TENM4: variants seen among roughly 807,000 people sequenced by gnomAD.
TENM4 encodes teneurin transmembrane protein 4.
A neutral mutation model predicts 243.3 loss-of-function variants in TENM4; 82 were observed. The ratio of observed to expected loss-of-function variants is 0.34; its 90% CI spans 0.28 to 0.40. The LOEUF (loss-of-function observed/expected upper bound fraction) is 0.40, where lower values mean the gene tolerates loss of function less well. Ranked by LOEUF, TENM4 falls within the 10% of genes least tolerant of loss-of-function variation. The pLI is 1.00. For missense variants in TENM4, 3,138 were observed against 3,673.3 expected, an observed-to-expected ratio of 0.85 and a Z score of 3.77; for synonymous variants, 1,412 against 1,456.3, an observed-to-expected ratio of 0.97 and a Z score of 0.69.
intron 8 of TENM4, among the ~76,000 whole-genome samples, chr11:78,890,621 C>T (rs1258306440): frequency 6.6e-6 from 1 of 152,180 alleles, no homozygotes; most frequent in Non-Finnish European, 1.5e-5. Flanking sequence ...CAGCAAATGC[C>T]TTCAAAGCAC....
chr11:79,278,310 T>G (rs1412537487), intron 2 of TENM4, among the ~76,000 whole-genome samples: 2 of 152,176 alleles, frequency 1.3e-5, no homozygotes, highest in Non-Finnish European at 2.9e-5. Context: ...AACACAACGT[T>G]GTAAGCTTGT....
chr11:78,698,979 C>T (rs1859039922), intron 28 of TENM4, among the ~76,000 whole-genome samples: 2 of 152,310 alleles, frequency 1.3e-5, no homozygotes, highest in South Asian at 4.1e-4. Context: ...TGATTCTGCT[C>T]TTCTCACCTG....
At chr11:79,435,361 G>A (rs557022975) in intron 1 of TENM4, among the ~76,000 whole-genome samples, 1 of 152,224 alleles carries the variant, frequency 6.6e-6, no homozygotes, top group South Asian at 2.1e-4. Context: ...CTGAGAACTG[G>A]GGCATATTAC....
At position 79,062,976 on chromosome 11, in the gene TENM4, C is replaced by T. The variant is rs778669621; in HGVS notation, c.493+1762G>A. 4.1e-4 allele frequency among the ~76,000 whole-genome samples: 63 copies of T among 152,202 alleles called. No individual in the cohort carries two copies. The Middle Eastern group carries it at 0.01, about 25-fold the overall frequency. On this transcript the variant is annotated intron_variant, in intron 6 of 33. Coordinates refer to ENST00000278550, the MANE Select transcript of TENM4 (RefSeq NM_001098816.3). ...ACTCCTCTGGTACTGAGGTCATCGG[C>T]CCCTTCACAGGGCTGGCTGGGGACC...
At chr11:78,954,264 T>C (rs945727162) in intron 6 of TENM4, among the ~76,000 whole-genome samples, 1 of 151,982 alleles carries the variant, frequency 6.6e-6, no homozygotes, top group African/African-American at 2.4e-5. Context: ...GTTTAGGAAA[T>C]GGAAGAAGGA....
At chr11:78,860,338 G>C (rs1858786273) in intron 10 of TENM4, among the ~76,000 whole-genome samples, 2 of 152,196 alleles carry the variant, frequency 1.3e-5, no homozygotes, top group Admixed American at 6.5e-5. Flanking sequence ...AAGGTCAAGG[G>C]AGATGCAGTA....
intron 6 of TENM4, among the ~76,000 whole-genome samples, chr11:79,049,972 A>C (rs1372102888): frequency 6.6e-6 from 1 of 152,168 alleles, no homozygotes; most frequent in Non-Finnish European, 1.5e-5. Flanking sequence ...TGCTGTAACA[A>C]ATATTGTGAG....
intron 6 of TENM4, among the ~76,000 whole-genome samples, chr11:78,956,087 C>T (rs974622667): frequency 2.6e-5 from 4 of 152,124 alleles, no homozygotes; most frequent in Non-Finnish European, 4.4e-5. Context: ...AGGGTTATTG[C>T]TGTGCATGTG....
Position 78,729,473 on chromosome 11 carries a change from C to A in TENM4, c.3309G>T (p.Arg1103Ser). 1 of 1,612,690 alleles carries A rather than the reference C, an allele frequency of 6.2e-7. No individual in the cohort carries two copies. The highest frequency in any genetic ancestry group is 1.1e-5 in the South Asian group (1 of 90,898). Reference sequence around the variant, plus strand: ...GGTCTGGGGCTGCAGCGAACCACTTCCTGAAGAGGCGGCCCTCCACCGCTA... The same window carrying A: ...GGTCTGGGGCTGCAGCGAACCACTTACTGAAGAGGCGGCCCTCCACCGCTA... ...LMVAVEGRLF[R>S]KWFAAAPDLS... Residue 1103 changes from arginine to serine, a missense_variant, in exon 22 of 34, where the codon AGG becomes AGT. Arg to Ser is a moderately radical substitution (Grantham distance 110, BLOSUM62 -1). This residue lies in a region of TENM4 where 2,467 missense variants were observed against 3,059.1 expected (regional missense o/e 0.81). Transcript: ENST00000278550.
intron 13 of TENM4, 72 bp downstream of exon 13, chr11:78,814,222 C>G (rs1857558212): frequency 4.9e-6 from 7 of 1,436,682 alleles, no homozygotes; most frequent in Non-Finnish European, 5.7e-6. Flanking sequence ...TGCACTTGCT[C>G]TGAGAAGTAG....
intron 6 of TENM4, among the ~76,000 whole-genome samples, chr11:78,994,945 C>T (rs879878627): frequency 7.9e-5 from 12 of 152,150 alleles, no homozygotes; most frequent in Non-Finnish European, 1.6e-4. Context: ...AAGAATAAAA[C>T]GCAATTCTGG....
rs372475961 is a variant in TENM4, at chr11:78,862,762, G to A, written c.1255+200C>T. Among the ~76,000 whole-genome samples, 40 of 152,260 alleles carry A rather than the reference G, an allele frequency of 2.6e-4. No individual in the cohort carries two copies. The South Asian group carries it at 8.3e-3, about 32-fold the overall frequency. On this transcript the variant is annotated intron_variant, in intron 10 of 33. Coordinates refer to ENST00000278550, the MANE Select transcript of TENM4 (RefSeq NM_001098816.3). The stretch of plus-strand genomic sequence containing the variant: ...CATGAGCCCTTCCTGAGCCTCCCAC[G>A]AACTCTCAGTGACAAGGAACTGCGA...
chr11:79,220,408 C>CCAGT (rs1864134997), intron 2 of TENM4, among the ~76,000 whole-genome samples: 1 of 152,110 alleles, frequency 6.6e-6, no homozygotes, highest in Admixed American at 6.6e-5. Flanking sequence ...CACAACTCAC[C>CCAGT]CAGTCACCAG....
intron 3 of TENM4, among the ~76,000 whole-genome samples, chr11:79,184,544 TGTGGGGGTGGAGGTTAGGGGGG>T (rs1211325535): frequency 2.5e-4 from 8 of 31,984 alleles, no homozygotes. Context: ...GGGGTAGGGG[TGTGGGGGTGGAGGTTAGGGGGG>T]GTGGGAACTC....
At chr11:78,957,342 G>A (rs1442443355) in intron 6 of TENM4, among the ~76,000 whole-genome samples, 1 of 152,116 alleles carries the variant, frequency 6.6e-6, no homozygotes, top group Non-Finnish European at 1.5e-5. Flanking sequence ...CAGGCTCCAC[G>A]AAATTCATAG....
intron 2 of TENM4, among the ~76,000 whole-genome samples, chr11:79,293,309 T>C (rs949607426): frequency 6.6e-6 from 1 of 151,814 alleles, no homozygotes; most frequent in Non-Finnish European, 1.5e-5. Context: ...GCACGGTGGG[T>C]CACACTTGGC....
At chr11:79,109,123 G>A (rs778716262) in intron 4 of TENM4, among the ~76,000 whole-genome samples, 32 of 152,184 alleles carry the variant, frequency 2.1e-4, no homozygotes, top group Non-Finnish European at 3.7e-4. Context: ...ATTTACGGCC[G>A]TGAGCAGGGA....
intron 6 of TENM4, among the ~76,000 whole-genome samples, chr11:78,975,613 C>T (rs1857638343): frequency 8.3e-6 from 1 of 119,906 alleles, no homozygotes; most frequent in African/African-American, 3.7e-5. Context: ...CACACACACA[C>T]ACACATATAT....
intron 6 of TENM4, among the ~76,000 whole-genome samples, chr11:79,035,723 ATTC>A (rs1324984800): frequency 6.6e-6 from 1 of 152,124 alleles, no homozygotes; most frequent in East Asian, 1.9e-4. Flanking sequence ...CAAATCTCCC[ATTC>A]TTCTTCTTTA....
Sources: gnomAD v4.1 joint callset for allele counts (sites outside exome capture counted in the v4.1 genomes callset) on GRCh38, gnomAD v4.1.1 for gene constraint, gnomAD v4.1.1 regional missense constraint, MANE v1.5 for transcripts, NCBI Gene and HGNC (gene_info 2026-07-23, HGNC 2026-07-21) for gene names.